The following SMOC1 variants were observed in gnomAD, a reference collection of about 807,000 sequenced individuals.
SMOC1 encodes SPARC-related modular calcium-binding protein 1.
Under a neutral mutation model 56.3 loss-of-function variants are expected in SMOC1, and 22 were observed. That is an observed-to-expected ratio of 0.39 (90% CI 0.28 to 0.56). SMOC1 has a LOEUF of 0.56. Ranked by LOEUF, SMOC1 falls within the 20% of genes least tolerant of loss-of-function variation. SMOC1 has a pLI of 0.61. For synonymous variants in SMOC1, 193 were observed against 215.0 expected, an observed-to-expected ratio of 0.90 and a Z score of 0.89; for missense variants, 509 against 565.4, an observed-to-expected ratio of 0.90 and a Z score of 1.01.
chr14:69,952,795 G>A (rs1261219027), intron 2 of SMOC1, among the ~76,000 whole-genome samples: 1 of 152,200 alleles, frequency 6.6e-6, no homozygotes, highest in Non-Finnish European at 1.5e-5. Flanking sequence ...TTCCTACAAA[G>A]CAACACATGG....
intron 1 of SMOC1, among the ~76,000 whole-genome samples, chr14:69,882,542 A>G (rs1883671975): frequency 1.3e-5 from 2 of 152,174 alleles, no homozygotes; most frequent in East Asian, 1.9e-4. Context: ...GGGTCTCTCA[A>G]CTGTGAGTGG....
intron 1 of SMOC1, chr14:69,885,760 G>T: frequency 1.3e-6 from 2 of 1,504,436 alleles, no homozygotes; most frequent in African/African-American, 1.4e-5. Flanking sequence ...TCTTCGGGAC[G>T]TCCCCTTTGC....
At chr14:70,016,743 A>G (rs979891845) in intron 10 of SMOC1, among the ~76,000 whole-genome samples, 2 of 152,272 alleles carry the variant, frequency 1.3e-5, no homozygotes, top group African/African-American at 4.8e-5. Context: ...TGGTTCCTCA[A>G]ACAAGTCAAG....
intron 1 of SMOC1, among the ~76,000 whole-genome samples, chr14:69,902,332 C>T (rs116054975): frequency 0.015 from 2,356 of 152,320 alleles, 68 homozygotes; most frequent in African/African-American, 0.054. Context: ...CTAAAAGCTT[C>T]CTTAAATCTC....
chr14:70,030,201 C>T (rs760326998), intron 11 of SMOC1, 41 bp from the exon 12 acceptor site: 5 of 1,573,896 alleles, frequency 3.2e-6, no homozygotes, highest in Non-Finnish European at 4.3e-6. Flanking sequence ...CTGCCCCCGA[C>T]CTTTTTTTTT....
At chr14:70,009,284 C>T (rs548983634) in intron 7 of SMOC1, among the ~76,000 whole-genome samples, 56 of 152,276 alleles carry the variant, frequency 3.7e-4, no homozygotes, top group Admixed American at 2.2e-3. Flanking sequence ...CTATTGTTTT[C>T]GAGCATTTTC....
At chr14:69,999,466 C>T (rs1363673594) in intron 7 of SMOC1, among the ~76,000 whole-genome samples, 2 of 152,218 alleles carry the variant, frequency 1.3e-5, no homozygotes, top group African/African-American at 2.4e-5. Flanking sequence ...GAATCTCGCA[C>T]ATGACGTGAT....
At chr14:69,909,603 A>G (rs755397125) in intron 1 of SMOC1, among the ~76,000 whole-genome samples, 27 of 152,234 alleles carry the variant, frequency 1.8e-4, no homozygotes, top group Admixed American at 2.0e-4. Context: ...TTGTGACTGT[A>G]TCTTAAATGA....
At chr14:70,030,180 C>T in intron 11 of SMOC1, 62 bp from the exon 12 acceptor site, 1 of 1,605,376 alleles carries the variant, frequency 6.2e-7, no homozygotes, top group Non-Finnish European at 8.5e-7. Context: ...ACTCTAACTT[C>T]TTGCTTATAT....
At chr14:69,992,800 G>A (rs1884612123) in intron 6 of SMOC1, among the ~76,000 whole-genome samples, 1 of 152,176 alleles carries the variant, frequency 6.6e-6, no homozygotes, top group Non-Finnish European at 1.5e-5. Flanking sequence ...CAGGCCGGCA[G>A]TGTCCCTTCA....
chr14:69,952,076 G>A, intron 1 of SMOC1, 62 bp from the exon 2 acceptor site: 2 of 1,573,236 alleles, frequency 1.3e-6, no homozygotes, highest in Non-Finnish European at 1.7e-6. Context: ...GTAAGTCATG[G>A]ACTCGCCCCT....
At chr14:70,027,029 C>G (rs543555112) in intron 11 of SMOC1, among the ~76,000 whole-genome samples, 1 of 152,026 alleles carries the variant, frequency 6.6e-6, no homozygotes, top group East Asian at 1.9e-4. Context: ...GAAGTGGAGG[C>G]TGAGTAGACT....
intron 1 of SMOC1, among the ~76,000 whole-genome samples, chr14:69,915,714 G>A (rs916016877): frequency 1.3e-5 from 2 of 152,160 alleles, no homozygotes; most frequent in Admixed American, 6.5e-5. Flanking sequence ...GCAGATACAG[G>A]CAATGTTCAG....
chr14:70,015,688 C>T (rs548953968), intron 10 of SMOC1, among the ~76,000 whole-genome samples: 1 of 151,992 alleles, frequency 6.6e-6, no homozygotes, highest in Non-Finnish European at 1.5e-5. Context: ...TTCAACAGGC[C>T]CACAGACGGG....
Position 69,992,316 on chromosome 14 carries a change from G to C in SMOC1, c.527-101G>C, listed in dbSNP as rs1884592822. ...TGTTCTCTTCACTGGGACTTGGCCG[G>C]GCCTTGTACAAACCCCAACCATTCA... On this transcript the variant is annotated intron_variant, in intron 5 of 11. Coordinates refer to ENST00000361956, the MANE Select transcript of SMOC1 (RefSeq NM_001034852.3). 3.6e-6 allele frequency: 4 copies of C among 1,107,770 alleles called. No homozygotes were observed. In the Middle Eastern group the frequency reaches 6.3e-4, roughly 175 times the overall value. 68.6% of individuals were successfully genotyped at this position (1,107,770 alleles called of 1,614,324 possible).
At chr14:69,921,978 C>G (rs1243721553) in intron 1 of SMOC1, among the ~76,000 whole-genome samples, 1 of 152,212 alleles carries the variant, frequency 6.6e-6, no homozygotes. Flanking sequence ...GTGAACTGCT[C>G]CTGCCTGCCC....
At chr14:70,010,118 C>T (rs1467045217) in intron 7 of SMOC1, among the ~76,000 whole-genome samples, 2 of 152,222 alleles carry the variant, frequency 1.3e-5, no homozygotes, top group Non-Finnish European at 2.9e-5. Context: ...CCGGCTGGGC[C>T]TGTTTTCTCT....
intron 1 of SMOC1, among the ~76,000 whole-genome samples, chr14:69,889,592 G>A (rs1883906920): frequency 6.6e-6 from 1 of 152,172 alleles, no homozygotes; most frequent in Non-Finnish European, 1.5e-5. Flanking sequence ...CTTTTCCAGG[G>A]TGGTGGGGAA....
At chr14:69,923,013 C>T (rs1181612291) in intron 1 of SMOC1, among the ~76,000 whole-genome samples, 6 of 150,930 alleles carry the variant, frequency 4.0e-5, no homozygotes, top group Non-Finnish European at 8.8e-5. Context: ...GGCATGATCT[C>T]GGCTCACTGC....
Sources: allele counts gnomAD v4.1 joint callset (sites outside exome capture counted in the v4.1 genomes callset), GRCh38; gene constraint gnomAD v4.1.1; transcripts MANE v1.5; gene names NCBI Gene and HGNC (gene_info 2026-07-23, HGNC 2026-07-21).